ARID4B: variants seen among roughly 807,000 people sequenced by gnomAD.
The protein encoded by ARID4B is AT-rich interaction domain 4B, also known as AT-rich interactive domain-containing protein 4B.
In ARID4B, 26 loss-of-function variants were observed where a neutral mutation model predicts 147.5. The observed-to-expected ratio is 0.18, with a 90% CI of 0.13 to 0.24. The LOEUF is 0.24. ARID4B is among the 10% of genes least tolerant of loss of function. The pLI, the probability that ARID4B is intolerant of heterozygous loss-of-function variation, is 1.00. For synonymous variants in ARID4B, 512 were observed against 507.9 expected (o/e 1.01, Z -0.11); for missense variants, 1,179 against 1,511.5 (o/e 0.78, Z 3.65).
chr1:235,269,979 T>C (rs1314012725), intron 2 of ARID4B, among the ~76,000 whole-genome samples: 1 of 152,116 alleles, frequency 6.6e-6, no homozygotes, highest in Admixed American at 6.6e-5. Context: ...TAAGAGTTAC[T>C]GCATATTTTA....
At chr1:235,270,517 G>A (rs1245691494) in intron 2 of ARID4B, among the ~76,000 whole-genome samples, 2 of 152,018 alleles carry the variant, frequency 1.3e-5, no homozygotes, top group Admixed American at 6.6e-5. Context: ...TAAACCAGAG[G>A]GATATCTGCA....
intron 3 of ARID4B, among the ~76,000 whole-genome samples, chr1:235,259,709 C>T (rs956887131): frequency 6.6e-6 from 1 of 152,166 alleles, no homozygotes; most frequent in Admixed American, 6.5e-5. Flanking sequence ...ACAATGGTTC[C>T]TAACCAGGAG....
chr1:235,296,748 C>A (rs1672744104), intron 2 of ARID4B, among the ~76,000 whole-genome samples: 2 of 129,096 alleles, frequency 1.5e-5, no homozygotes, highest in Admixed American at 1.9e-4. Flanking sequence ...GAGTGAGCCA[C>A]CTCACCCAGC....
intron 19 of ARID4B, among the ~76,000 whole-genome samples, chr1:235,188,066 CAT>C (rs1445714107): frequency 6.6e-6 from 1 of 151,710 alleles, no homozygotes; most frequent in East Asian, 1.9e-4. Context: ...AGACTGCACA[CAT>C]GTGAGTGTCT....
At chr1:235,252,505 T>C (rs932579743) in intron 6 of ARID4B, among the ~76,000 whole-genome samples, 1 of 152,154 alleles carries the variant, frequency 6.6e-6, no homozygotes, top group Non-Finnish European at 1.5e-5. Context: ...CATTGTATTT[T>C]CTCTGTGGAC....
intron 17 of ARID4B, among the ~76,000 whole-genome samples, chr1:235,201,813 G>A (rs751745281): frequency 1.3e-5 from 2 of 151,896 alleles, no homozygotes; most frequent in Non-Finnish European, 2.9e-5. Flanking sequence ...GATCCCAGAA[G>A]GCAGAGGTTG....
In ARID4B at chr1:235,319,837, C is replaced by CA. The variant is rs1028076710; in HGVS notation, c.6+7076dup. ...TGAAACCCCATTGCTACTAAAAACA[C>CA]AAAAAAAAAGGCCGGGCGAGGTGAC... is the stretch of plus-strand genomic sequence containing the variant. On this transcript the variant is annotated intron_variant, in intron 2 of 23. Coordinates refer to ENST00000264183, the MANE Select transcript of ARID4B (RefSeq NM_016374.6). 1.9e-4 allele frequency among the ~76,000 whole-genome samples: 29 copies of CA among 149,856 alleles called. No homozygotes were observed. In the East Asian group the frequency reaches 3.0e-3, roughly 15 times the overall value.
At chr1:235,194,280 C>CT in intron 18 of ARID4B, 69 bp from the exon 19 acceptor site, 1 of 1,119,304 alleles carries the variant, frequency 8.9e-7, no homozygotes, top group Non-Finnish European at 1.3e-6. Context: ...TTAATGTCCA[C>CT]TTTTAACTCA....
At chr1:235,243,532 C>T (rs1669121229) in intron 7 of ARID4B, among the ~76,000 whole-genome samples, 1 of 152,036 alleles carries the variant, frequency 6.6e-6, no homozygotes, top group Non-Finnish European at 1.5e-5. Context: ...AAGCTAATTA[C>T]ATGGAAATTT....
At chr1:235,326,994 G>C (rs1471637139) in intron 1 of ARID4B, 26 bp from the exon 2 acceptor site, 1 of 1,490,542 alleles carries the variant, frequency 6.7e-7, no homozygotes, top group Non-Finnish European at 9.4e-7. Flanking sequence ...AAGACACCCA[G>C]TCAACACCAC....
chr1:235,266,139 G>C (rs779557083), intron 2 of ARID4B, among the ~76,000 whole-genome samples: 3 of 152,056 alleles, frequency 2.0e-5, no homozygotes, highest in Non-Finnish European at 4.4e-5. Flanking sequence ...TTAAATCTTT[G>C]TGGGGATGCT....
chr1:235,298,288 A>T (rs1225154760), intron 2 of ARID4B, among the ~76,000 whole-genome samples: 1 of 151,898 alleles, frequency 6.6e-6, no homozygotes. Context: ...AAATTTCCAT[A>T]AAGTTTTAAA....
chr1:235,261,465 AGTG>A (rs561900956), intron 2 of ARID4B, among the ~76,000 whole-genome samples: 233 of 152,342 alleles, frequency 1.5e-3, no homozygotes, highest in African/African-American at 5.2e-3. Context: ...TCGAGACTCG[AGTG>A]AAAAGTGATC....
At chr1:235,174,201 A>T (rs1663683883) in intron 22 of ARID4B, among the ~76,000 whole-genome samples, 1 of 151,932 alleles carries the variant, frequency 6.6e-6, no homozygotes, top group Non-Finnish European at 1.5e-5. Context: ...CACCACGCGC[A>T]GCTAATTTTT....
At chr1:235,235,746 G>A (rs1668511185) in intron 8 of ARID4B, among the ~76,000 whole-genome samples, 1 of 152,080 alleles carries the variant, frequency 6.6e-6, no homozygotes, top group Non-Finnish European at 1.5e-5. Context: ...AGAACTGCAT[G>A]AGCCATGGAA....
intron 6 of ARID4B, among the ~76,000 whole-genome samples, chr1:235,250,978 C>A (rs943617278): frequency 1.3e-5 from 2 of 152,146 alleles, no homozygotes; most frequent in Non-Finnish European, 2.9e-5. Flanking sequence ...CTCATACTCA[C>A]TGACTGTACG....
rs764918981 is a variant in ARID4B, at chr1:235,194,131, T to C, written c.2007A>G (p.Pro669=). 5.6e-6 allele frequency: 9 copies of C among 1,613,324 alleles called. No homozygotes were observed. The highest frequency in any genetic ancestry group is 2.7e-5 in the African/African-American group (2 of 74,898). Residue 669 remains proline, a synonymous_variant, in exon 19 of 24, where the codon CCA becomes CCG. Transcript: ENST00000264183. ...NCKLRRLSKP[P]FQTNPSPEMV... ...TTTCAGGAGATGGATTTGTCTGAAA[T>C]GGTGGTTTGGACAAGCGCCGAAGTT...
chr1:235,278,063 G>A (rs1671450033), intron 2 of ARID4B, among the ~76,000 whole-genome samples: 1 of 152,116 alleles, frequency 6.6e-6, no homozygotes, highest in Non-Finnish European at 1.5e-5. Flanking sequence ...GCAAAGGCAA[G>A]TAGAAAGGGC....
At chr1:235,207,503 G>A (rs905559318) in intron 17 of ARID4B, among the ~76,000 whole-genome samples, 4 of 152,186 alleles carry the variant, frequency 2.6e-5, no homozygotes, top group African/African-American at 9.7e-5. Context: ...CAAAAGAAGT[G>A]ATTATAATAA....
Sources: gnomAD v4.1 joint callset for allele counts (sites outside exome capture counted in the v4.1 genomes callset) on GRCh38, gnomAD v4.1.1 for gene constraint, MANE v1.5 for transcripts, NCBI Gene and HGNC (gene_info 2026-07-23, HGNC 2026-07-21) for gene names.